The following TMEM244 variants were observed in gnomAD, a reference collection of about 807,000 sequenced individuals.
TMEM244 encodes the protein transmembrane protein 244, also known as putative transmembrane protein 244.
TMEM244 carries 13 observed loss-of-function variants against 15.8 expected under a neutral mutation model. The observed-to-expected ratio is 0.82, with a 90% CI of 0.53 to 1.30. The LOEUF is 1.30. Ranked by LOEUF, TMEM244 falls within the 50% of genes most tolerant of loss-of-function variation. The pLI is 0.00. For synonymous variants in TMEM244, 45 were observed against 48.7 expected (o/e 0.92, Z 0.32); for missense variants, 161 against 144.9 (o/e 1.11, Z -0.57).
intron 1 of TMEM244, among the ~76,000 whole-genome samples, chr6:129,853,110 A>G (rs746155521): frequency 2.6e-5 from 4 of 152,224 alleles, no homozygotes; most frequent in Non-Finnish European, 5.9e-5. Flanking sequence ...GAACTGGTAG[A>G]AAAGGAAAAC....
intron 2 of TMEM244, 100 bp from the exon 3 acceptor site, chr6:129,843,703 A>C (rs372075742): frequency 1.2e-6 from 1 of 834,166 alleles, no homozygotes; most frequent in Non-Finnish European, 1.9e-6. Context: ...AGGATAAGCT[A>C]TGCGATTCAC....
At chr6:129,860,953 G>C (rs1776799938) in intron 1 of TMEM244, among the ~76,000 whole-genome samples, 1 of 152,146 alleles carries the variant, frequency 6.6e-6, no homozygotes, top group African/African-American at 2.4e-5. Flanking sequence ...ACATGTTTTA[G>C]AATCCTTTCT....
chr6:129,845,845 A>G lies in TMEM244; in HGVS notation c.41T>C (p.Leu14Ser), dbSNP rs1776554319. ...AATGACACATAGAAGAAACTTCTGC[A>G]AAACAACCTGTGGAGAAAACAGGCA... The part of the protein sequence containing the change: ...QVRVAPSKVV[L>S]QKFLLCVILF... The change falls in exon 2 of 5, where the codon TTG becomes TCG. Residue 14 changes from leucine to serine, a missense_variant. Coordinates refer to ENST00000368143, the MANE Select transcript of TMEM244 (RefSeq NM_001010876.2). The G allele has an allele frequency of 1.2e-6, 2 of 1,612,150 alleles. No homozygotes were observed. The highest frequency in any genetic ancestry group is 1.7e-6 in the Non-Finnish European group (2 of 1,179,260).
At chr6:129,831,443 G>C in intron 4 of TMEM244, 57 bp from the exon 5 acceptor site, 1 of 1,186,318 alleles carries the variant, frequency 8.4e-7, no homozygotes, top group Non-Finnish European at 1.3e-6. Flanking sequence ...TTTTGCTCAA[G>C]AAGAAATACG....
Position 129,843,630 on chromosome 6 carries a change from TTACTC to T in TMEM244, c.120-32_120-28del, listed in dbSNP as rs778306600. The T allele has an allele frequency of 7.3e-5, 113 of 1,539,796 alleles. No homozygotes were observed. In the Middle Eastern group the frequency reaches 1.2e-3, roughly 16 times the overall value. On this transcript the variant is annotated intron_variant, in intron 2 of 4. Transcript: ENST00000368143. ...TAAAGATGTTATAAGTGAAAACAGT[TTACTC>T]TGAATGAGGCAGTTCATAACAGCAC...
At chr6:129,847,482 C>T (rs925627026) in intron 1 of TMEM244, among the ~76,000 whole-genome samples, 1 of 152,154 alleles carries the variant, frequency 6.6e-6, no homozygotes, top group Non-Finnish European at 1.5e-5. Context: ...TATACCACAA[C>T]GAATTGGCTG....
In TMEM244 at chr6:129,831,346, A is replaced by G. The variant is rs776504362; in HGVS notation, c.360T>C (p.Ala120=). ...EFPLTSHWWA[A]LGISKLLV Reference sequence around the variant, plus strand: ...AAACAAGCAATTTTGATATACCTAAAGCAGCCCACCAATGTGATGTCAAGG... The same window carrying G: ...AAACAAGCAATTTTGATATACCTAAGGCAGCCCACCAATGTGATGTCAAGG... Residue 120 remains alanine, a synonymous_variant, in exon 5 of 5, where the codon GCT becomes GCC. Coordinates refer to ENST00000368143, the MANE Select transcript of TMEM244 (RefSeq NM_001010876.2). 1.3e-6 allele frequency: 2 copies of G among 1,577,892 alleles called. No homozygotes were observed. The highest frequency in any genetic ancestry group is 4.5e-5 in the East Asian group (2 of 44,788).
intron 2 of TMEM244, among the ~76,000 whole-genome samples, chr6:129,844,812 A>G (rs1776540715): frequency 6.6e-6 from 1 of 152,222 alleles, no homozygotes; most frequent in Non-Finnish European, 1.5e-5. Flanking sequence ...CATGCTGAAT[A>G]ACATTCTTTC....
intron 1 of TMEM244, among the ~76,000 whole-genome samples, chr6:129,847,869 G>C (rs1776581939): frequency 6.6e-6 from 1 of 151,322 alleles, no homozygotes; most frequent in Non-Finnish European, 1.5e-5. Flanking sequence ...CGGTCTCCCG[G>C]GTTCAAGCGA....
chr6:129,834,105 G>A (rs1776367432), intron 3 of TMEM244, among the ~76,000 whole-genome samples: 1 of 152,200 alleles, frequency 6.6e-6, no homozygotes, highest in Non-Finnish European at 1.5e-5. Flanking sequence ...AAACATAACT[G>A]ATAACCATGG....
chr6:129,833,636 T>A, intron 3 of TMEM244, 51 bp from the exon 4 acceptor site: 1 of 1,554,950 alleles, frequency 6.4e-7, no homozygotes, highest in Non-Finnish European at 8.7e-7. Flanking sequence ...CAATGAACAT[T>A]CTGAAATACA....
chr6:129,851,611 T>G (rs1052882098), intron 1 of TMEM244, among the ~76,000 whole-genome samples: 4 of 152,172 alleles, frequency 2.6e-5, no homozygotes, highest in African/African-American at 9.7e-5. Flanking sequence ...TTTAAAAGTA[T>G]GAAAACTGTG....
intron 1 of TMEM244, among the ~76,000 whole-genome samples, chr6:129,854,927 T>C (rs1776684398): frequency 6.6e-6 from 1 of 152,234 alleles, no homozygotes; most frequent in South Asian, 2.1e-4. Flanking sequence ...CTCTTCATAT[T>C]CAATATCTGC....
chr6:129,835,652 A>G (rs1199823146), intron 3 of TMEM244, among the ~76,000 whole-genome samples: 1 of 152,144 alleles, frequency 6.6e-6, no homozygotes, highest in African/African-American at 2.4e-5. Flanking sequence ...TTTCCTAGCT[A>G]AGGGAAGCCA....
chr6:129,844,447 C>T (rs1044772694), intron 2 of TMEM244, among the ~76,000 whole-genome samples: 13 of 152,190 alleles, frequency 8.5e-5, no homozygotes, highest in African/African-American at 3.1e-4. Context: ...CCTAACCTCT[C>T]TGGGCTCAAA....
intron 3 of TMEM244, among the ~76,000 whole-genome samples, chr6:129,841,441 G>T (rs1010530679): frequency 1.3e-5 from 2 of 151,594 alleles, no homozygotes; most frequent in African/African-American, 4.9e-5. Context: ...GGCTGGGGGT[G>T]GATAGCATTA....
chr6:129,859,676 C>G (rs936685609), intron 1 of TMEM244, among the ~76,000 whole-genome samples: 2 of 152,330 alleles, frequency 1.3e-5, no homozygotes, highest in African/African-American at 2.4e-5. Flanking sequence ...TTTTCCCAGA[C>G]AGCAAATTAA....
At position 129,832,692 on chromosome 6, in the gene TMEM244, T is replaced by A. The variant is rs528446863; in HGVS notation, c.319+768A>T. Among the ~76,000 whole-genome samples the A allele has an allele frequency of 2.0e-5, 3 of 152,220 alleles. No individual in the cohort carries two copies. The South Asian group carries it at 6.2e-4, about 32-fold the overall frequency. On this transcript the variant is annotated intron_variant, in intron 4 of 4. Transcript: ENST00000368143. ...ATTATCTAATTGAAACCTCATCAGG[T>A]TTCCCCCATTTTGTAGAGAAGGAAA...
rs1776647250 is a variant in TMEM244 at position 129,852,410 on chromosome 6, A to C, written c.34-6558T>G. On this transcript the variant is annotated intron_variant, in intron 1 of 4. Coordinates refer to ENST00000368143, the MANE Select transcript of TMEM244 (RefSeq NM_001010876.2). ...GCAAACCTTATCTCCTTTAATCCTC[A>C]CAACAACACTGCCAGACAGGAAGTA... Among the ~76,000 whole-genome samples the C allele has an allele frequency of 2.6e-5, 4 of 152,278 alleles. No homozygotes were observed. The South Asian group carries it at 8.3e-4, about 32-fold the overall frequency.
Sources: allele counts gnomAD v4.1 joint callset (sites outside exome capture counted in the v4.1 genomes callset), GRCh38; gene constraint gnomAD v4.1.1; transcripts MANE v1.5; gene names NCBI Gene and HGNC (gene_info 2026-07-23, HGNC 2026-07-21).